The following PSMA8 variants were observed in gnomAD, a reference collection of about 807,000 sequenced individuals.
The protein encoded by PSMA8 is proteasome 20S subunit alpha 8.
A neutral mutation model predicts 32.4 loss-of-function variants in PSMA8; 18 were observed. That is an observed-to-expected ratio of 0.56 (90% CI 0.38 to 0.82). The LOEUF (loss-of-function observed/expected upper bound fraction) is 0.82. Ranked by LOEUF, PSMA8 falls within the 40% of genes least tolerant of loss-of-function variation. The probability of loss-of-function intolerance (pLI) is 0.00; values close to 1 mark genes in which losing one functional copy is unlikely to be tolerated. For synonymous variants in PSMA8, 104 were observed against 98.1 expected, an observed-to-expected ratio of 1.06 and a Z score of -0.36; for missense variants, 298 against 300.7, an observed-to-expected ratio of 0.99 and a Z score of 0.07.
chr18:26,169,101 C>G (rs1272524134), intron 4 of PSMA8, among the ~76,000 whole-genome samples: 1 of 132,494 alleles, frequency 7.5e-6, no homozygotes, highest in Non-Finnish European at 1.5e-5. Context: ...TCCATCTCAG[C>G]TTCCTGAGTA....
At position 26,151,969 on chromosome 18, in the gene PSMA8, C is replaced by A. The variant is rs1398673682; in HGVS notation, c.341C>A (p.Ala114Glu). The change falls in exon 3 of 7, where the codon GCA becomes GAA. Residue 114 changes from alanine (A) to glutamate (E), a missense_variant. By Grantham distance (107) the Ala-to-Glu change is moderately radical. Coordinates refer to ENST00000415576, the MANE Select transcript of PSMA8 (RefSeq NM_001025096.2). ...VTVEYITRFI[A>E]TLKQKYTQSN... Reference sequence around the variant, plus strand: ...GTAGAATACATAACTCGCTTCATAGCAACTTTAAAGCAGGTAAGCTAATAT... The same window carrying A: ...GTAGAATACATAACTCGCTTCATAGAAACTTTAAAGCAGGTAAGCTAATAT... 1.9e-6 allele frequency: 3 copies of A among 1,598,556 alleles called. No individual in the cohort carries two copies. The highest frequency in any genetic ancestry group is 2.6e-6 in the Non-Finnish European group (3 of 1,175,606).
At position 26,184,516 on chromosome 18, in the gene PSMA8, C is replaced by G. The variant is rs1049795604; in HGVS notation, c.660+5386C>G. On this transcript the variant is annotated intron_variant, in intron 6 of 6. Transcript: ENST00000415576. ...GGCCGGGCGCGGTGGCTCACGCTTG[C>G]AATCTCAGCACTTTGGGAGGCTGAG... Among the ~76,000 whole-genome samples, 6 of 149,620 alleles carry G rather than the reference C, an allele frequency of 4.0e-5. 1 individual carries two copies. Among genetic ancestry groups the G allele is most frequent in the Admixed American group, 2.7e-4 (4 of 15,036 alleles).
chr18:26,141,691 T>G (rs2054957240), intron 1 of PSMA8, among the ~76,000 whole-genome samples: 1 of 150,916 alleles, frequency 6.6e-6, no homozygotes, highest in Non-Finnish European at 1.5e-5. Context: ...TTTTTTTTCT[T>G]TTTTCTGTTT....
chr18:26,155,105 C>T (rs939646728), intron 3 of PSMA8, among the ~76,000 whole-genome samples: 2 of 151,876 alleles, frequency 1.3e-5, no homozygotes, highest in East Asian at 1.9e-4. Flanking sequence ...TGTGGTGGTG[C>T]GCACCTGTAA....
intron 2 of PSMA8, among the ~76,000 whole-genome samples, chr18:26,146,962 G>T (rs1379990808): frequency 6.6e-6 from 1 of 152,110 alleles, no homozygotes; most frequent in Non-Finnish European, 1.5e-5. Flanking sequence ...AAGGGGGAGT[G>T]AGACATCTCA....
At chr18:26,161,923 A>C (rs188405346) in intron 4 of PSMA8, among the ~76,000 whole-genome samples, 200 of 152,324 alleles carry the variant, frequency 1.3e-3, no homozygotes, top group South Asian at 4.4e-3. Flanking sequence ...TCAGGTTGCC[A>C]TGAAGCTCTG....
intron 6 of PSMA8, among the ~76,000 whole-genome samples, chr18:26,185,431 G>A (rs576794658): frequency 6.6e-6 from 1 of 150,724 alleles, no homozygotes; most frequent in African/African-American, 2.4e-5. Flanking sequence ...AAGTTAGTGT[G>A]TTCTAGTAAG....
chr18:26,173,847 C>T (rs1336737214), intron 4 of PSMA8, among the ~76,000 whole-genome samples: 14 of 152,080 alleles, frequency 9.2e-5, no homozygotes, highest in African/African-American at 2.7e-4. Context: ...TGAGCCATCA[C>T]GCCCGGCCTT....
intron 1 of PSMA8, among the ~76,000 whole-genome samples, chr18:26,143,011 T>C (rs1187866286): frequency 1.3e-5 from 2 of 152,218 alleles, no homozygotes; most frequent in African/African-American, 4.8e-5. Flanking sequence ...TTTAACTTTC[T>C]TTACTGCCAT....
chr18:26,165,487 G>C (rs2055170877), intron 4 of PSMA8, among the ~76,000 whole-genome samples: 1 of 152,180 alleles, frequency 6.6e-6, no homozygotes. Context: ...AGGAAGTAAA[G>C]ATATTGCTTT....
At chr18:26,183,536 A>T (rs1026727179) in intron 6 of PSMA8, among the ~76,000 whole-genome samples, 6 of 150,934 alleles carry the variant, frequency 4.0e-5, no homozygotes, top group African/African-American at 1.5e-4. Flanking sequence ...ATAGCAAGAG[A>T]ACTAAAATTA....
rs1250014210 is a variant in PSMA8 at position 26,171,387 on chromosome 18, C to A, written c.478-7443C>A. On this transcript the variant is annotated intron_variant, in intron 4 of 6. Transcript: ENST00000415576. ...ATTTTGTTATGACATACCAAGCAGA[C>A]TAATATAACGTGTAATGGGCTTATT... 1.6e-6 allele frequency: 2 copies of A among 1,230,156 alleles called. 1 individual carries two copies. The highest frequency in any genetic ancestry group is 2.3e-6 in the Non-Finnish European group (2 of 859,152). 76.2% of individuals were successfully genotyped at this position (1,230,156 alleles called of 1,614,324 possible). A position where few individuals can be genotyped will look rare whatever the true frequency, so the allele number is the denominator to read the frequency against.
chr18:26,151,404 GAATT>G (rs941404295), intron 2 of PSMA8, among the ~76,000 whole-genome samples: 5 of 152,194 alleles, frequency 3.3e-5, no homozygotes, highest in Non-Finnish European at 7.3e-5. Flanking sequence ...GAAGTGTTGA[GAATT>G]AATCACATGA....
chr18:26,139,258 G>A (rs974576481), intron 1 of PSMA8, among the ~76,000 whole-genome samples: 2 of 152,148 alleles, frequency 1.3e-5, no homozygotes, highest in Non-Finnish European at 2.9e-5. Context: ...GGCCCAATGA[G>A]GCAAGGAACT....
intron 4 of PSMA8, among the ~76,000 whole-genome samples, chr18:26,171,906 C>T (rs2055224927): frequency 6.6e-6 from 1 of 152,252 alleles, no homozygotes; most frequent in East Asian, 1.9e-4. Flanking sequence ...CATCAAACAG[C>T]ATGAGTATCA....
intron 4 of PSMA8, among the ~76,000 whole-genome samples, chr18:26,165,020 C>T (rs1462735267): frequency 4.6e-5 from 7 of 151,974 alleles, no homozygotes; most frequent in South Asian, 2.1e-4. Flanking sequence ...CAGGTTCAAG[C>T]GATTCTTCTG....
intron 4 of PSMA8, among the ~76,000 whole-genome samples, chr18:26,177,224 G>A (rs2055271068): frequency 6.6e-6 from 1 of 152,170 alleles, no homozygotes; most frequent in African/African-American, 2.4e-5. Flanking sequence ...ATTTGACAAT[G>A]TCTTTGACAA....
At chr18:26,140,251 A>G in intron 1 of PSMA8, 4 of 655,258 alleles carry the variant, frequency 6.1e-6, no homozygotes. Context: ...GCTTGGCACC[A>G]CAGGTGCCAG....
In PSMA8 at chr18:26,142,184, C is replaced by T. The variant is rs535768772; in HGVS notation, c.103-2375C>T. Among the ~76,000 whole-genome samples the T allele has an allele frequency of 2.0e-4, 30 of 151,930 alleles. No individual in the cohort carries two copies. The South Asian group carries it at 4.6e-3, about 23-fold the overall frequency. ...CCTCCCCAGCAGCTGGGACTACAGG[C>T]GCCCGCCACCACGCCCGGCTGATTT... is the stretch of plus-strand genomic sequence containing the variant. On this transcript the variant is annotated intron_variant, in intron 1 of 6. Transcript: ENST00000415576.
Sources: allele counts gnomAD v4.1 joint callset (sites outside exome capture counted in the v4.1 genomes callset), GRCh38; gene constraint gnomAD v4.1.1; transcripts MANE v1.5; gene names NCBI Gene and HGNC (gene_info 2026-07-23, HGNC 2026-07-21).